GLIS3: variants seen among roughly 807,000 people sequenced by gnomAD.
GLIS3 encodes the protein zinc finger protein GLIS3.
Under a neutral mutation model 78.6 loss-of-function variants are expected in GLIS3, and 53 were observed. The observed-to-expected ratio is 0.67, with a 90% CI of 0.54 to 0.85. GLIS3 has a LOEUF of 0.85. Among genes scored for constraint, GLIS3 ranks in the 40% least tolerant of loss-of-function variants. The pLI is 0.00. For synonymous variants in GLIS3, 684 were observed against 509.9 expected, an observed-to-expected ratio of 1.34 and a Z score of -4.60; for missense variants, 1,703 against 1,231.1, an observed-to-expected ratio of 1.38 and a Z score of -5.74.
At chr9:4,317,622 C>A (rs1011729263) in intron 2 of GLIS3, among the ~76,000 whole-genome samples, 1 of 152,200 alleles carries the variant, frequency 6.6e-6, no homozygotes, top group Non-Finnish European at 1.5e-5. Flanking sequence ...TACCTATTTT[C>A]ATTAGTCATA....
chr9:4,300,607 C>G (rs1817027317), upstream of GLIS3, among the ~76,000 whole-genome samples: 1 of 152,064 alleles, frequency 6.6e-6, no homozygotes, highest in African/African-American at 2.4e-5. Context: ...GTATAAAATT[C>G]TGAACACAGG....
intron 3 of GLIS3, among the ~76,000 whole-genome samples, chr9:4,310,081 A>C (rs1817324075): frequency 6.6e-6 from 1 of 152,134 alleles, no homozygotes; most frequent in Admixed American, 6.6e-5. Flanking sequence ...GAATGTTTTT[A>C]AGTCTGGATT....
the GLIS3 span, among the ~76,000 whole-genome samples, chr9:4,390,711 C>T: frequency 6.6e-6 from 1 of 152,154 alleles, no homozygotes; most frequent in Non-Finnish European, 1.5e-5. Flanking sequence ...GGTGGCTCTT[C>T]CCCACCCAGT....
At chr9:3,957,561 AG>A (rs1382230614) in intron 4 of GLIS3, among the ~76,000 whole-genome samples, 1 of 152,218 alleles carries the variant, frequency 6.6e-6, no homozygotes, top group African/African-American at 2.4e-5. Flanking sequence ...GTACTGACAT[AG>A]AAAATTAGAT....
At chr9:3,974,998 C>A (rs117728710) in intron 4 of GLIS3, 2 of 151,846 alleles carry the variant, frequency 1.3e-5, no homozygotes, top group African/African-American at 4.8e-5. Flanking sequence ...AAGAGGCATG[C>A]GAAGAGGGGA....
At chr9:4,391,967 A>T in the GLIS3 span, among the ~76,000 whole-genome samples, 2 of 152,204 alleles carry the variant, frequency 1.3e-5, no homozygotes, top group Admixed American at 1.3e-4. Flanking sequence ...TCATTCCAGC[A>T]CTATTCACAA....
chr9:4,151,628 C>T (rs1222145164), intron 2 of GLIS3, among the ~76,000 whole-genome samples: 1 of 152,176 alleles, frequency 6.6e-6, no homozygotes, highest in Non-Finnish European at 1.5e-5. Flanking sequence ...GTCCAGTTCA[C>T]AGTTTTGCAC....
intron 2 of GLIS3, among the ~76,000 whole-genome samples, chr9:4,203,960 G>A (rs896078056): frequency 3.9e-5 from 6 of 152,164 alleles, no homozygotes; most frequent in Admixed American, 2.0e-4. Context: ...CTACTACAGT[G>A]GGGAAAGAGA....
At chr9:4,353,896 C>T in the GLIS3 span, among the ~76,000 whole-genome samples, 8 of 152,090 alleles carry the variant, frequency 5.3e-5, no homozygotes, top group Admixed American at 4.6e-4. Flanking sequence ...GGCGCGACCT[C>T]GGCTCACTGC....
chr9:4,119,021 C>A (rs1432158434), intron 3 of GLIS3, 140 bp from the exon 4 acceptor site: 1 of 911,866 alleles, frequency 1.1e-6, no homozygotes, highest in Non-Finnish European at 1.7e-6. Context: ...AACACACATT[C>A]TTGGGCTAAG....
chr9:4,343,983 A>G (rs1013725155), intron 2 of GLIS3, among the ~76,000 whole-genome samples: 3 of 152,190 alleles, frequency 2.0e-5, no homozygotes, highest in Non-Finnish European at 2.9e-5. Context: ...TATTACCTGC[A>G]TAACAAAATA....
chr9:4,404,752 A>G, the GLIS3 span, among the ~76,000 whole-genome samples: 1 of 152,088 alleles, frequency 6.6e-6, no homozygotes, highest in African/African-American at 2.4e-5. Flanking sequence ...TATAATGCCT[A>G]CATCAAAAAA....
At chr9:3,879,305 A>G (rs1292531754) in intron 8 of GLIS3, 122 bp downstream of exon 8, 2 of 902,136 alleles carry the variant, frequency 2.2e-6, no homozygotes, top group Non-Finnish European at 3.7e-6. Flanking sequence ...TTAAAATGTC[A>G]CCTTTGGGTA....
chr9:4,420,124 C>CA, the GLIS3 span, among the ~76,000 whole-genome samples: 6 of 151,920 alleles, frequency 3.9e-5, no homozygotes, highest in East Asian at 5.8e-4. Context: ...ATGTGTGGTT[C>CA]AAAAAAACAA....
chr9:4,144,183 A>G (rs1490733432), intron 2 of GLIS3, among the ~76,000 whole-genome samples: 2 of 152,198 alleles, frequency 1.3e-5, no homozygotes, highest in African/African-American at 4.8e-5. Flanking sequence ...CCACAGCGCA[A>G]GGAATGCTAC....
At chr9:4,264,301 C>G (rs1386777522) in intron 2 of GLIS3, among the ~76,000 whole-genome samples, 1 of 152,088 alleles carries the variant, frequency 6.6e-6, no homozygotes, top group Non-Finnish European at 1.5e-5. Context: ...GAATCTAAAC[C>G]CACCACCACC....
the GLIS3 span, among the ~76,000 whole-genome samples, chr9:4,483,478 G>A: frequency 6.6e-6 from 1 of 152,010 alleles, no homozygotes; most frequent in African/African-American, 2.4e-5. Context: ...TCAGCACTTT[G>A]GGAGGCCAAG....
the GLIS3 span, among the ~76,000 whole-genome samples, chr9:4,385,547 C>T: frequency 1.3e-5 from 2 of 151,298 alleles, no homozygotes; most frequent in Admixed American, 6.6e-5. Context: ...CACCTGTAAT[C>T]CCAGCTACTC....
the GLIS3 span, among the ~76,000 whole-genome samples, chr9:4,479,904 CTTTT>C: frequency 9.2e-6 from 1 of 108,716 alleles, no homozygotes. Flanking sequence ...ATTTCTTCTT[CTTTT>C]TTTTTTTTTT....
Sources: gnomAD v4.1 joint callset for allele counts (sites outside exome capture counted in the v4.1 genomes callset) on GRCh38, gnomAD v4.1.1 for gene constraint, MANE v1.5 for transcripts, NCBI Gene and HGNC (gene_info 2026-07-23, HGNC 2026-07-21) for gene names.